TACC1: variants seen among roughly 807,000 people sequenced by gnomAD.
TACC1 encodes the protein transforming acidic coiled-coil containing protein 1, also known as transforming acidic coiled-coil-containing protein 1.
Under a neutral mutation model 84.4 loss-of-function variants are expected in TACC1, and 48 were observed. The observed-to-expected ratio is 0.57, with a 90% CI of 0.45 to 0.72. The LOEUF (loss-of-function observed/expected upper bound fraction) is 0.72. Among genes scored for constraint, TACC1 ranks in the 30% least tolerant of loss-of-function variants. The pLI is 0.00. For missense variants in TACC1, 920 were observed against 973.0 expected (o/e 0.95, Z 0.72); for synonymous variants, 372 against 376.3 (o/e 0.99, Z 0.13).
chr8:38,831,014 T>C, intron 5 of TACC1, 111 bp from the exon 6 acceptor site: 1 of 876,464 alleles, frequency 1.1e-6, no homozygotes, highest in Non-Finnish European at 1.8e-6. Flanking sequence ...AAAATGCTTT[T>C]CATGTGTTCA....
chr8:38,786,947 A>C (rs1206171234), upstream of TACC1, among the ~76,000 whole-genome samples: 1 of 152,030 alleles, frequency 6.6e-6, no homozygotes, highest in Admixed American at 6.5e-5. Context: ...GGAAAGAGGA[A>C]GAGGACAGCG....
chr8:38,836,369 T>C, intron 7 of TACC1, 82 bp downstream of exon 7: 1 of 1,553,562 alleles, frequency 6.4e-7, no homozygotes, highest in Non-Finnish European at 8.7e-7. Context: ...GCATCTCTGC[T>C]GGCTCAAGTT....
chr8:38,835,237 G>C (rs1336679286), intron 6 of TACC1, among the ~76,000 whole-genome samples: 2 of 150,028 alleles, frequency 1.3e-5, no homozygotes, highest in Non-Finnish European at 3.0e-5. Context: ...CTGGGCCACA[G>C]AGTGAGACCC....
At chr8:38,802,900 C>G (rs568284555) in intron 2 of TACC1, among the ~76,000 whole-genome samples, 1 of 152,270 alleles carries the variant, frequency 6.6e-6, no homozygotes, top group East Asian at 1.9e-4. Context: ...CCCCCGTGAC[C>G]CAGACACCTC....
intron 7 of TACC1, among the ~76,000 whole-genome samples, chr8:38,837,486 C>T (rs1409413490): frequency 6.6e-6 from 1 of 152,084 alleles, no homozygotes; most frequent in Non-Finnish European, 1.5e-5. Context: ...AGTGCAGTGG[C>T]ACAATTATAG....
intron 3 of TACC1, among the ~76,000 whole-genome samples, chr8:38,779,995 A>G (rs544589194): frequency 6.6e-6 from 1 of 152,340 alleles, no homozygotes; most frequent in African/African-American, 2.4e-5. Flanking sequence ...AGGTAATAAC[A>G]ATACTAACAG....
rs1833027602 is a variant in TACC1 at position 38,851,085 on chromosome 8, A to T, written c.*3062A>T. The T allele has an allele frequency of 6.6e-6, 1 of 152,284 alleles. No individual in the cohort carries two copies. The highest frequency in any genetic ancestry group is 1.5e-5 in the Non-Finnish European group (1 of 68,046). 9.4% of individuals were successfully genotyped at this position (152,284 alleles called of 1,614,324 possible). On this transcript the variant is annotated 3_prime_UTR_variant, in exon 13 of 13. Coordinates refer to ENST00000317827, the MANE Select transcript of TACC1 (RefSeq NM_006283.3). ...TTTTGTTCTGTAAAACTGCTCTGGA[A>T]ATACCGGGAAGCCCAGTTTTCTCAC...
chr8:38,784,106 T>A (rs574445054), upstream of TACC1, among the ~76,000 whole-genome samples: 4 of 152,262 alleles, frequency 2.6e-5, no homozygotes, highest in Admixed American at 2.0e-4. Flanking sequence ...TGTTCCTAGT[T>A]GTGACTTTGC....
At chr8:38,845,119 T>C (rs1831968771) in intron 11 of TACC1, 1 of 152,272 alleles carries the variant, frequency 6.6e-6, no homozygotes, top group East Asian at 1.9e-4. Flanking sequence ...GAGACGGGGT[T>C]TCGCCATGTT....
intron 3 of TACC1, among the ~76,000 whole-genome samples, chr8:38,769,396 T>A (rs563836875): frequency 7.0e-6 from 1 of 141,930 alleles, no homozygotes; most frequent in South Asian, 2.4e-4. Flanking sequence ...ATTATATGTG[T>A]GGTGTGTGTA....
chr8:38,787,485 C>G lies in TACC1; in HGVS notation c.-98C>G, dbSNP rs1817525702. The G allele has an allele frequency of 1.7e-5, 24 of 1,401,642 alleles. No homozygotes were observed. Among genetic ancestry groups the G allele is most frequent in the Non-Finnish European group, 2.2e-5 (24 of 1,082,202 alleles). 86.8% of individuals were successfully genotyped at this position (1,401,642 alleles called of 1,614,324 possible). A position where few individuals can be genotyped will look rare whatever the true frequency, so the allele number is the denominator to read the frequency against. ...TCCGCGCCTCTGCTGGAAACGCTTG[C>G]TGGCGCCTGTCACCGGTTCCCTCCA... On this transcript the variant is annotated 5_prime_UTR_variant, in exon 1 of 13. Coordinates refer to ENST00000317827, the MANE Select transcript of TACC1 (RefSeq NM_006283.3).
chr8:38,776,835 G>A (rs1234705481), intron 3 of TACC1, among the ~76,000 whole-genome samples: 3 of 152,144 alleles, frequency 2.0e-5, no homozygotes, highest in Non-Finnish European at 4.4e-5. Context: ...GAAATTTAAG[G>A]CAGGTTCTTC....
chr8:38,828,796 A>G (rs1828665960), intron 5 of TACC1, among the ~76,000 whole-genome samples: 1 of 152,210 alleles, frequency 6.6e-6, no homozygotes, highest in Admixed American at 6.5e-5. Flanking sequence ...GTGTGTTCTG[A>G]ACCTCATCAT....
At chr8:38,845,338 A>G (rs1223922511) in intron 11 of TACC1, among the ~76,000 whole-genome samples, 9 of 152,172 alleles carry the variant, frequency 5.9e-5, no homozygotes, top group Non-Finnish European at 2.9e-5. Context: ...ATAGTACTGT[A>G]TTAGATTTCT....
chr8:38,757,286 C>T lies in TACC1; in HGVS notation c.26+11793C>T, dbSNP rs533262692. 1.7e-3 allele frequency: 2,148 copies of T among 1,243,302 alleles called. 46 individuals carry two copies. In the South Asian group the frequency reaches 0.026, roughly 15 times the overall value. 77.0% of individuals were successfully genotyped at this position (1,243,302 alleles called of 1,614,324 possible). A position where few individuals can be genotyped will look rare whatever the true frequency, so the allele number is the denominator to read the frequency against. ...CGCCCAGGGTCTGGGCACAGCCGCC[C>T]GCCGCCCAGCACAGGAGGGTGCAGC... On this transcript the variant is annotated intron_variant, in intron 3 of 14. Coordinates refer to the TACC1 transcript ENST00000518415.
intron 1 of TACC1, chr8:38,788,315 G>A (rs1817800222): frequency 5.5e-6 from 1 of 181,398 alleles, no homozygotes. Flanking sequence ...GAGCAAAGAG[G>A]AATGCCTAGC....
chr8:38,799,344 C>T (rs1171969626), intron 2 of TACC1, among the ~76,000 whole-genome samples: 1 of 152,238 alleles, frequency 6.6e-6, no homozygotes, highest in Non-Finnish European at 1.5e-5. Context: ...CAGACACTTG[C>T]CCTGCAGTGG....
chr8:38,787,924 G>A (rs1817669532), intron 1 of TACC1, among the ~76,000 whole-genome samples, 181 bp downstream of exon 1: 1 of 152,208 alleles, frequency 6.6e-6, no homozygotes, highest in Non-Finnish European at 1.5e-5. Flanking sequence ...TCCTCCCGTG[G>A]GGTTTCTGGC....
Position 38,787,368 on chromosome 8 carries a change from C to T in TACC1, c.-215C>T. 1 of 1,328,034 alleles carries T rather than the reference C, an allele frequency of 7.5e-7. No individual in the cohort carries two copies. The highest frequency in any genetic ancestry group is 9.6e-7 in the Non-Finnish European group (1 of 1,044,924). 82.3% of individuals were successfully genotyped at this position (1,328,034 alleles called of 1,614,324 possible). On this transcript the variant is annotated 5_prime_UTR_variant, in exon 1 of 13. Transcript: ENST00000317827. ...GGCGCGGGGCCCGCTGCGGCCGCAC[C>T]GTGAGGGGAGGAGGCCGAGGAGGAC...
Sources: allele counts gnomAD v4.1 joint callset (sites outside exome capture counted in the v4.1 genomes callset), GRCh38; gene constraint gnomAD v4.1.1; transcripts MANE v1.5; gene names NCBI Gene and HGNC (gene_info 2026-07-23, HGNC 2026-07-21).